Variants in C12orf42 observed in about 807,000 individuals in gnomAD.
C12orf42 encodes uncharacterized protein C12orf42.
C12orf42 carries 25 observed loss-of-function variants against 21.6 expected under a neutral mutation model. That is an observed-to-expected ratio of 1.16 (90% CI 0.84 to 1.62). The LOEUF (loss-of-function observed/expected upper bound fraction) is 1.62, where lower values mean the gene tolerates loss of function less well. C12orf42 is among the 40% of genes most tolerant of loss of function. C12orf42 has a pLI of 0.00. For synonymous variants in C12orf42, 174 were observed against 175.0 expected, an observed-to-expected ratio of 0.99 and a Z score of 0.05; for missense variants, 483 against 459.3, an observed-to-expected ratio of 1.05 and a Z score of -0.47.
chr12:103,455,663 A>G lies in C12orf42; in HGVS notation c.78+22686T>C, dbSNP rs545298399. Among the ~76,000 whole-genome samples the G allele has an allele frequency of 3.9e-5, 6 of 152,242 alleles. No homozygotes were observed. In the East Asian group the frequency reaches 1.2e-3, roughly 29 times the overall value. On this transcript the variant is annotated intron_variant, in intron 2 of 5. Transcript: ENST00000548883. ...TTCATCGATTTTACCTTAAGAATAA[A>G]CTGATGCATCTTTTTGTCCTTTTCT...
intron 4 of C12orf42, among the ~76,000 whole-genome samples, chr12:103,325,238 G>A (rs1673008340): frequency 6.6e-6 from 1 of 152,220 alleles, no homozygotes; most frequent in African/African-American, 2.4e-5. Flanking sequence ...TTATTCATGG[G>A]CAGAGAGAAG....
At chr12:103,336,890 T>G (rs745739212) in intron 4 of C12orf42, among the ~76,000 whole-genome samples, 14 of 152,196 alleles carry the variant, frequency 9.2e-5, no homozygotes, top group Non-Finnish European at 1.9e-4. Context: ...ATAACTTGGT[T>G]GAACAAAGGG....
At chr12:103,295,905 G>T (rs1398993070) in intron 4 of C12orf42, among the ~76,000 whole-genome samples, 2 of 151,716 alleles carry the variant, frequency 1.3e-5, no homozygotes, top group Admixed American at 1.3e-4. Context: ...GGGTACATGT[G>T]CACAACGTGC....
chr12:103,232,133 C>A, the C12orf42 span, among the ~76,000 whole-genome samples: 1 of 152,170 alleles, frequency 6.6e-6, no homozygotes, highest in African/African-American at 2.4e-5. Flanking sequence ...GGTCTTTGGG[C>A]CAATTTTAAA....
intron 10 of C12orf42, among the ~76,000 whole-genome samples, chr12:103,255,773 C>A (rs1195563342): frequency 6.6e-6 from 1 of 151,358 alleles, no homozygotes; most frequent in Non-Finnish European, 1.5e-5. Flanking sequence ...AATATATGGC[C>A]GGGCGCGATG....
chr12:103,219,768 C>T, the C12orf42 span, among the ~76,000 whole-genome samples: 1 of 152,160 alleles, frequency 6.6e-6, no homozygotes, highest in East Asian at 1.9e-4. Context: ...AAAACAGATG[C>T]TGGCAAGGAT....
At chr12:103,313,918 G>A (rs1259389762) in intron 4 of C12orf42, among the ~76,000 whole-genome samples, 1 of 152,166 alleles carries the variant, frequency 6.6e-6, no homozygotes, top group South Asian at 2.1e-4. Context: ...TGCCCTCATG[G>A]GGCTTGCAAT....
At position 103,388,172 on chromosome 12, in the gene C12orf42, G is replaced by T. The variant is rs564603742; in HGVS notation, c.147+13435C>A. 6.6e-5 allele frequency among the ~76,000 whole-genome samples: 10 copies of T among 152,318 alleles called. 1 individual carries two copies. Among genetic ancestry groups the T allele is most frequent in the Admixed American group, 3.3e-4 (5 of 15,304 alleles). On this transcript the variant is annotated intron_variant, in intron 3 of 5. Coordinates refer to ENST00000548883, the MANE Select transcript of C12orf42 (RefSeq NM_198521.5). ...AAATTTTTCCTTGGTGCCAGAGAAG[G>T]GGGGGTGATAACTCTGAGTGCCATC...
the C12orf42 span, among the ~76,000 whole-genome samples, chr12:103,094,267 A>T: frequency 3.3e-5 from 5 of 152,172 alleles, no homozygotes; most frequent in African/African-American, 1.2e-4. Context: ...TTAGTTCCCT[A>T]TTAAAACACT....
Position 103,350,572 on chromosome 12 carries a change from T to C in C12orf42, c.259+18315A>G, listed in dbSNP as rs188447742. On this transcript the variant is annotated intron_variant, in intron 4 of 5. Transcript: ENST00000548883. ...TATTAAACTTCATCATATCTATGTA[T>C]AGGAGAAAACATAGTATATATAGGA... 3.4e-3 allele frequency among the ~76,000 whole-genome samples: 521 copies of C among 152,322 alleles called. 3 individuals carry two copies. Among genetic ancestry groups the C allele is most frequent in the African/African-American group, 0.012 (494 of 41,590 alleles).
intron 10 of C12orf42, among the ~76,000 whole-genome samples, chr12:103,255,970 G>C (rs1565997874): frequency 6.9e-6 from 1 of 144,858 alleles, no homozygotes; most frequent in Admixed American, 7.0e-5. Flanking sequence ...GGAGAATGGC[G>C]TGAACCCGGG....
chr12:103,443,482 A>G (rs1315985609), intron 2 of C12orf42, among the ~76,000 whole-genome samples: 1 of 152,124 alleles, frequency 6.6e-6, no homozygotes, highest in Non-Finnish European at 1.5e-5. Context: ...CTCTCACTCC[A>G]AACTCCCCAT....
the C12orf42 span, among the ~76,000 whole-genome samples, chr12:103,514,866 A>G: frequency 5.9e-5 from 9 of 152,206 alleles, no homozygotes; most frequent in African/African-American, 2.2e-4. Context: ...TAGCACACAA[A>G]TAATTATTAG....
chr12:103,138,457 C>T, the C12orf42 span, among the ~76,000 whole-genome samples: 2 of 152,184 alleles, frequency 1.3e-5, no homozygotes, highest in African/African-American at 2.4e-5. Flanking sequence ...TTCCCCTTCA[C>T]CTTCTGTCAT....
At chr12:103,180,247 T>C in the C12orf42 span, among the ~76,000 whole-genome samples, 3 of 152,084 alleles carry the variant, frequency 2.0e-5, no homozygotes, top group South Asian at 6.2e-4. Context: ...TACCTATATA[T>C]CTATAATGCT....
chr12:103,560,582 A>G, the C12orf42 span, among the ~76,000 whole-genome samples: 1 of 152,240 alleles, frequency 6.6e-6, no homozygotes, highest in African/African-American at 2.4e-5. Flanking sequence ...ACAAGGATAC[A>G]TAGCTTTCAT....
chr12:103,395,691 G>A (rs546452634), intron 3 of C12orf42, among the ~76,000 whole-genome samples: 187 of 152,200 alleles, frequency 1.2e-3, no homozygotes, highest in African/African-American at 4.1e-3. Flanking sequence ...ATTAAAAATA[G>A]TACGAAAGCA....
chr12:103,399,801 A>G (rs1376389022), intron 3 of C12orf42, among the ~76,000 whole-genome samples: 1 of 152,170 alleles, frequency 6.6e-6, no homozygotes, highest in African/African-American at 2.4e-5. Flanking sequence ...GTAAGGTATA[A>G]TACTGGAATA....
At chr12:103,466,469 A>G (rs1672082204) in intron 2 of C12orf42, among the ~76,000 whole-genome samples, 3 of 152,206 alleles carry the variant, frequency 2.0e-5, no homozygotes, top group African/African-American at 7.2e-5. Flanking sequence ...AGTATGAGCT[A>G]GAAGTAATAT....
Sources: gnomAD v4.1 joint callset for allele counts (sites outside exome capture counted in the v4.1 genomes callset) on GRCh38, gnomAD v4.1.1 for gene constraint, MANE v1.5 for transcripts, NCBI Gene and HGNC (gene_info 2026-07-23, HGNC 2026-07-21) for gene names.